Variants in NCKAP5 observed in about 807,000 individuals in gnomAD.
NCKAP5 encodes the protein NCK associated protein 5, also known as nck-associated protein 5.
A neutral mutation model predicts 167.0 loss-of-function variants in NCKAP5; 92 were observed. The observed-to-expected ratio is 0.55, with a 90% CI of 0.47 to 0.66. The LOEUF (loss-of-function observed/expected upper bound fraction) is 0.66, where lower values mean the gene tolerates loss of function less well. Ranked by LOEUF, NCKAP5 falls within the 30% of genes least tolerant of loss-of-function variation. The probability of loss-of-function intolerance (pLI) is 0.00; values close to 1 mark genes in which losing one functional copy is unlikely to be tolerated. For synonymous variants in NCKAP5, 891 were observed against 877.4 expected, an observed-to-expected ratio of 1.02 and a Z score of -0.27; for missense variants, 2,378 against 2,315.0, an observed-to-expected ratio of 1.03 and a Z score of -0.56.
intron 3 of NCKAP5, among the ~76,000 whole-genome samples, chr2:133,455,989 A>T (rs940511516): frequency 1.3e-5 from 2 of 152,120 alleles, no homozygotes; most frequent in East Asian, 3.9e-4. Flanking sequence ...CAGTACCAAA[A>T]TGGATAAACA....
At chr2:133,145,044 A>C (rs16857255) in intron 5 of NCKAP5, among the ~76,000 whole-genome samples, 1,905 of 152,260 alleles carry the variant, frequency 0.013, 42 homozygotes, top group African/African-American at 0.043. Context: ...TTGAGAGCCT[A>C]TGAGATTTAA....
intron 3 of NCKAP5, among the ~76,000 whole-genome samples, chr2:133,384,690 A>T (rs918203783): frequency 6.6e-6 from 1 of 152,224 alleles, no homozygotes; most frequent in African/African-American, 2.4e-5. Flanking sequence ...ACCCATGAGC[A>T]TGGAATGTTC....
intron 19 of NCKAP5, among the ~76,000 whole-genome samples, chr2:132,696,348 A>C (rs756314859): frequency 6.6e-6 from 1 of 152,226 alleles, no homozygotes; most frequent in Admixed American, 6.5e-5. Flanking sequence ...AGTTAATGCT[A>C]TTATTATTTT....
intron 3 of NCKAP5, among the ~76,000 whole-genome samples, chr2:133,409,026 C>T (rs1266508990): frequency 1.3e-5 from 2 of 152,154 alleles, no homozygotes; most frequent in Non-Finnish European, 2.9e-5. Context: ...TGGGTTGTTA[C>T]CACAGTAAAA....
intron 19 of NCKAP5, among the ~76,000 whole-genome samples, chr2:132,709,021 T>A (rs1688608675): frequency 6.6e-6 from 1 of 152,132 alleles, no homozygotes; most frequent in Non-Finnish European, 1.5e-5. Flanking sequence ...ATTACTGTTA[T>A]ATAAAAATGC....
chr2:133,429,657 A>G (rs983550566), intron 3 of NCKAP5, among the ~76,000 whole-genome samples: 17 of 151,688 alleles, frequency 1.1e-4, no homozygotes, highest in African/African-American at 3.1e-4. Context: ...TTTATTTTTT[A>G]TGGCTGCATA....
At chr2:132,929,578 G>A in intron 8 of NCKAP5, among the ~76,000 whole-genome samples, 1 of 152,330 alleles carries the variant, frequency 6.6e-6, no homozygotes, top group African/African-American at 2.4e-5. Flanking sequence ...TATGTACAGA[G>A]TTGAATAAAG....
chr2:133,607,163 C>T, the NCKAP5 span, among the ~76,000 whole-genome samples: 11 of 152,344 alleles, frequency 7.2e-5, no homozygotes, highest in African/African-American at 2.6e-4. Context: ...TTACCTCCAA[C>T]TCTTTTTAAT....
the NCKAP5 span, among the ~76,000 whole-genome samples, chr2:133,599,650 A>G: frequency 6.6e-6 from 1 of 152,214 alleles, no homozygotes; most frequent in Non-Finnish European, 1.5e-5. Flanking sequence ...GTGTGGACTG[A>G]AAAGAAGAGA....
rs971346110 is a variant in NCKAP5 at position 133,558,727 on chromosome 2, G to T, written c.-62+323C>A. Among the ~76,000 whole-genome samples the T allele has an allele frequency of 6.9e-3, 220 of 32,056 alleles. 6 individuals carry two copies. The highest frequency in any genetic ancestry group is 0.026 in the African/African-American group (201 of 7,716). 21.0% of individuals were successfully genotyped at this position (32,056 alleles called of 152,430 possible). A position where few individuals can be genotyped will look rare whatever the true frequency, so the allele number is the denominator to read the frequency against. The stretch of plus-strand genomic sequence containing the variant: ...AGCAAAAAAAAAAAAAAAAAAAAAA[G>T]CCCATATGGCAGGAACATAATAAAA... On this transcript the variant is annotated intron_variant, in intron 2 of 19. Coordinates refer to ENST00000409261, the MANE Select transcript of NCKAP5 (RefSeq NM_207363.3).
intron 5 of NCKAP5, among the ~76,000 whole-genome samples, chr2:133,198,527 A>T (rs2085537069): frequency 6.6e-6 from 1 of 152,162 alleles, no homozygotes; most frequent in Admixed American, 6.6e-5. Context: ...AAGCTTTTAG[A>T]AAATAAAACT....
At chr2:133,394,911 T>C (rs1453744191) in intron 3 of NCKAP5, among the ~76,000 whole-genome samples, 2 of 152,198 alleles carry the variant, frequency 1.3e-5, no homozygotes, top group African/African-American at 2.4e-5. Flanking sequence ...AAAAAGCAGA[T>C]TTGTTCACCT....
chr2:133,096,567 C>A (rs2081350414), intron 6 of NCKAP5, among the ~76,000 whole-genome samples: 1 of 151,780 alleles, frequency 6.6e-6, no homozygotes, highest in African/African-American at 2.4e-5. Context: ...TTCTTGATAA[C>A]CCAAACAACA....
chr2:133,407,725 T>C (rs904561459), intron 3 of NCKAP5, among the ~76,000 whole-genome samples: 1 of 152,094 alleles, frequency 6.6e-6, no homozygotes, highest in Non-Finnish European at 1.5e-5. Context: ...GAGAAAACAT[T>C]ACAACAAAAA....
intron 19 of NCKAP5, among the ~76,000 whole-genome samples, chr2:132,714,229 T>G (rs1157055857): frequency 6.6e-6 from 1 of 152,234 alleles, no homozygotes; most frequent in Non-Finnish European, 1.5e-5. Flanking sequence ...GGCTAATTTA[T>G]GAGGGAAGTT....
chr2:133,558,704 CAAAAAAAAAA>C lies in NCKAP5; in HGVS notation c.-62+336_-62+345del, dbSNP rs60051493. 1.2e-4 allele frequency among the ~76,000 whole-genome samples: 6 copies of C among 50,872 alleles called. 1 individual carries two copies. The highest frequency in any genetic ancestry group is 1.6e-4 in the African/African-American group (2 of 12,298). 33.4% of individuals were successfully genotyped at this position (50,872 alleles called of 152,430 possible). On this transcript the variant is annotated intron_variant, in intron 2 of 19. Transcript: ENST00000409261. ...ACATAAACAGATGCAATGTGCTGAG[CAAAAAAAAAA>C]AAAAAAAAAAAAGCCCATATGGCAG...
rs560723333 is a variant in NCKAP5, at chr2:133,245,638, T to C, written c.144-31859A>G. 2.0e-5 allele frequency among the ~76,000 whole-genome samples: 3 copies of C among 152,268 alleles called. No individual in the cohort carries two copies. In the East Asian group the frequency reaches 5.8e-4, roughly 29 times the overall value. On this transcript the variant is annotated intron_variant, in intron 4 of 19. Coordinates refer to ENST00000409261, the MANE Select transcript of NCKAP5 (RefSeq NM_207363.3). Reference sequence around the variant, plus strand: ...GTATGTTACACCTCAATAAATTTTTTTTTAATTAAAGGCGCAATCCCTATT... The same window carrying C: ...GTATGTTACACCTCAATAAATTTTTCTTTAATTAAAGGCGCAATCCCTATT...
intron 6 of NCKAP5, chr2:133,123,463 T>C (rs2082311382): frequency 9.9e-6 from 2 of 201,924 alleles, no homozygotes; most frequent in South Asian, 1.8e-4. Flanking sequence ...CTGTTGTAAT[T>C]TGAAGAAAAT....
chr2:132,767,535 C>T (rs562134868), intron 16 of NCKAP5, among the ~76,000 whole-genome samples: 10 of 152,310 alleles, frequency 6.6e-5, no homozygotes, highest in Admixed American at 2.6e-4. Context: ...TGAGCCACCG[C>T]GCCTGGCCTG....
Sources: gnomAD v4.1 joint callset for allele counts (sites outside exome capture counted in the v4.1 genomes callset) on GRCh38, gnomAD v4.1.1 for gene constraint, MANE v1.5 for transcripts, NCBI Gene and HGNC (gene_info 2026-07-23, HGNC 2026-07-21) for gene names.